RAD51B: variants seen among roughly 807,000 people sequenced by gnomAD.
The protein encoded by RAD51B is DNA repair protein RAD51 homolog 2.
Under a neutral mutation model 42.2 loss-of-function variants are expected in RAD51B, and 38 were observed. The ratio of observed to expected loss-of-function variants is 0.90; its 90% CI spans 0.70 to 1.18. RAD51B has a LOEUF of 1.18. Among genes scored for constraint, RAD51B ranks in the 50% most tolerant of loss-of-function variants. RAD51B has a pLI of 0.00. For synonymous variants in RAD51B, 154 were observed against 145.2 expected, an observed-to-expected ratio of 1.06 and a Z score of -0.43; for missense variants, 373 against 400.7, an observed-to-expected ratio of 0.93 and a Z score of 0.59.
At chr14:68,674,754 A>G (rs929787274) in intron 11 of RAD51B, among the ~76,000 whole-genome samples, 1 of 152,178 alleles carries the variant, frequency 6.6e-6, no homozygotes, top group Non-Finnish European at 1.5e-5. Context: ...GTAATGGGGC[A>G]TATGTTCCAT....
At chr14:68,007,865 G>A (rs927350035) in intron 7 of RAD51B, among the ~76,000 whole-genome samples, 1 of 151,572 alleles carries the variant, frequency 6.6e-6, no homozygotes, top group Non-Finnish European at 1.5e-5. Context: ...AATACAAAAA[G>A]GAATTCACAG....
At chr14:68,122,067 C>A (rs539463414) in intron 7 of RAD51B, among the ~76,000 whole-genome samples, 14 of 151,972 alleles carry the variant, frequency 9.2e-5, no homozygotes, top group African/African-American at 3.4e-4. Context: ...ATATCTTAAG[C>A]CTTATCCAAA....
rs574955929 is a variant in RAD51B at position 68,564,874 on chromosome 14, C to T, written c.1037-29611C>T. Among the ~76,000 whole-genome samples the T allele has an allele frequency of 3.3e-5, 5 of 152,334 alleles. No individual in the cohort carries two copies. The South Asian group carries it at 8.3e-4, about 25-fold the overall frequency. On this transcript the variant is annotated intron_variant, in intron 10 of 10. Coordinates refer to the RAD51B transcript ENST00000487270. ...CTGGCTGGCTGAGGGGACCTCAGAG[C>T]ACCAGTGTTTGGGACCGGGGCTGGG... is the stretch of plus-strand genomic sequence containing the variant.
intron 10 of RAD51B, among the ~76,000 whole-genome samples, chr14:68,549,558 GGC>G (rs1343290724): frequency 6.7e-6 from 1 of 150,190 alleles, no homozygotes; most frequent in African/African-American, 2.4e-5. Context: ...TGGGACTACA[GGC>G]GCGCGCCACC....
chr14:67,991,125 C>T (rs978930996), intron 7 of RAD51B, among the ~76,000 whole-genome samples: 1 of 152,080 alleles, frequency 6.6e-6, no homozygotes, highest in Non-Finnish European at 1.5e-5. Context: ...CATTTTTGGT[C>T]TTTTTTTCCC....
intron 7 of RAD51B, among the ~76,000 whole-genome samples, chr14:68,162,608 A>T (rs2078664569): frequency 6.6e-6 from 1 of 152,056 alleles, no homozygotes; most frequent in Non-Finnish European, 1.5e-5. Flanking sequence ...ACACGGTGAA[A>T]CCCCGTCTTG....
intron 7 of RAD51B, among the ~76,000 whole-genome samples, chr14:68,022,640 C>G (rs2075885713): frequency 1.3e-5 from 2 of 151,662 alleles, no homozygotes; most frequent in Admixed American, 1.3e-4. Flanking sequence ...CTGCTTGTCT[C>G]TCTTTTTTTT....
At position 67,825,078 on chromosome 14, in the gene RAD51B, CAAAAAAA is replaced by C. The variant is rs56227529; in HGVS notation, c.85-363_85-357del. 7.3e-4 allele frequency among the ~76,000 whole-genome samples: 37 copies of C among 50,550 alleles called. 1 individual carries two copies. The East Asian group carries it at 0.013, about 18-fold the overall frequency. 33.2% of individuals were successfully genotyped at this position (50,550 alleles called of 152,430 possible). A position where few individuals can be genotyped will look rare whatever the true frequency, so the allele number is the denominator to read the frequency against. On this transcript the variant is annotated intron_variant, in intron 2 of 10. Coordinates refer to ENST00000471583, the MANE Select transcript of RAD51B (RefSeq NM_133510.4). ...GGGCGACAGAGCAAAACTCTTGTCT[CAAAAAAA>C]AAAAAAAAAAAAAAAAAAAAAAGGA...
intron 7 of RAD51B, among the ~76,000 whole-genome samples, chr14:67,976,551 G>A (rs533079198): frequency 2.6e-5 from 4 of 152,142 alleles, no homozygotes; most frequent in East Asian, 1.9e-4. Flanking sequence ...ATGTTGGTGT[G>A]CTGCACCCAT....
At chr14:67,830,113 A>G (rs1053067766) in intron 3 of RAD51B, among the ~76,000 whole-genome samples, 261 of 152,292 alleles carry the variant, frequency 1.7e-3, no homozygotes, top group African/African-American at 6.1e-3. Context: ...ACAACGAAGA[A>G]GAGAGTGGTA....
At chr14:67,958,088 G>A (rs774074293) in intron 7 of RAD51B, among the ~76,000 whole-genome samples, 10 of 152,156 alleles carry the variant, frequency 6.6e-5, no homozygotes, top group Non-Finnish European at 1.2e-4. Flanking sequence ...AATGGCAGCC[G>A]TCACGTCTCT....
At chr14:68,560,696 A>G (rs1037707075) in intron 10 of RAD51B, among the ~76,000 whole-genome samples, 1 of 152,136 alleles carries the variant, frequency 6.6e-6, no homozygotes, top group Non-Finnish European at 1.5e-5. Context: ...AGATTGCGCC[A>G]CTGCACTCCA....
intron 7 of RAD51B, among the ~76,000 whole-genome samples, chr14:68,042,344 AGCGTTAAAGGGGAGT>A (rs2076231014): frequency 6.6e-6 from 1 of 152,212 alleles, no homozygotes; most frequent in South Asian, 2.1e-4. Flanking sequence ...AACTTTGAAT[AGCGTTAAAGGGGAGT>A]GGACTCATTT....
At chr14:68,552,108 T>G (rs1397228824) in intron 10 of RAD51B, among the ~76,000 whole-genome samples, 1 of 152,250 alleles carries the variant, frequency 6.6e-6, no homozygotes, top group Non-Finnish European at 1.5e-5. Flanking sequence ...TTTCTGGCTT[T>G]GCTGGGAAGC....
intron 7 of RAD51B, among the ~76,000 whole-genome samples, chr14:68,179,209 C>A (rs140385801): frequency 3.8e-4 from 58 of 152,224 alleles, no homozygotes; most frequent in African/African-American, 1.3e-3. Flanking sequence ...TTCCTTGCTG[C>A]GCTAGTATGC....
chr14:68,152,478 A>G (rs2078409409), intron 7 of RAD51B, among the ~76,000 whole-genome samples: 1 of 152,082 alleles, frequency 6.6e-6, no homozygotes, highest in Non-Finnish European at 1.5e-5. Context: ...GGGACTTTTC[A>G]TGTTGTTGTG....
intron 8 of RAD51B, among the ~76,000 whole-genome samples, chr14:68,310,106 C>A (rs1460818380): frequency 6.6e-6 from 1 of 152,084 alleles, no homozygotes; most frequent in African/African-American, 2.4e-5. Flanking sequence ...TAATTCAAGG[C>A]CTTAATAATA....
intron 7 of RAD51B, among the ~76,000 whole-genome samples, chr14:68,176,272 G>A (rs1027306365): frequency 9.9e-5 from 15 of 152,200 alleles, no homozygotes; most frequent in African/African-American, 2.9e-4. Context: ...TGGCAAGTGA[G>A]GCACAGAGAG....
chr14:68,436,025 T>C (rs1373217703), intron 9 of RAD51B, among the ~76,000 whole-genome samples: 2 of 152,186 alleles, frequency 1.3e-5, no homozygotes, highest in Non-Finnish European at 2.9e-5. Context: ...AGCTCTTTAA[T>C]TAGGTTTTGT....
Sources: gnomAD v4.1 joint callset for allele counts (sites outside exome capture counted in the v4.1 genomes callset) on GRCh38, gnomAD v4.1.1 for gene constraint, MANE v1.5 for transcripts, NCBI Gene and HGNC (gene_info 2026-07-23, HGNC 2026-07-21) for gene names.